Variants in ME3 observed in about 807,000 individuals in gnomAD.
ME3 encodes the protein NADP-dependent malic enzyme, mitochondrial.
ME3 carries 48 observed loss-of-function variants against 68.9 expected under a neutral mutation model. The ratio of observed to expected loss-of-function variants is 0.70; its 90% CI spans 0.55 to 0.89. The LOEUF (loss-of-function observed/expected upper bound fraction) is 0.89. Ranked by LOEUF, ME3 falls within the 40% of genes least tolerant of loss-of-function variation. The pLI is 0.00. For missense variants in ME3, 675 were observed against 797.4 expected, an observed-to-expected ratio of 0.85 and a Z score of 1.85; for synonymous variants, 320 against 318.8, an observed-to-expected ratio of 1.00 and a Z score of -0.04.
chr11:86,438,518 A>G (rs748330215), downstream of ME3, among the ~76,000 whole-genome samples: 3 of 151,942 alleles, frequency 2.0e-5, no homozygotes, highest in Non-Finnish European at 4.4e-5. Flanking sequence ...TCCCTCCCCT[A>G]TTTTCTGAAA....
chr11:86,632,719 C>T (rs1944094919), intron 2 of ME3, among the ~76,000 whole-genome samples: 2 of 152,188 alleles, frequency 1.3e-5, no homozygotes, highest in Non-Finnish European at 2.9e-5. Context: ...AGGGGCAGAA[C>T]TGCACTCCAG....
chr11:86,671,677 T>A (rs746255265), intron 2 of ME3, 85 bp downstream of exon 2: 4 of 1,523,348 alleles, frequency 2.6e-6, no homozygotes, highest in African/African-American at 1.4e-5. Context: ...CCCGGGAGGA[T>A]CCTTTCTGGG....
At chr11:86,482,202 C>T (rs1372852444) in intron 7 of ME3, among the ~76,000 whole-genome samples, 1 of 152,168 alleles carries the variant, frequency 6.6e-6, no homozygotes, top group Admixed American at 6.5e-5. Context: ...TTCTTGAGCT[C>T]CAGACTTACA....
intron 2 of ME3, among the ~76,000 whole-genome samples, chr11:86,653,243 A>AC (rs1160478859): frequency 1.3e-5 from 2 of 152,178 alleles, no homozygotes; most frequent in Non-Finnish European, 2.9e-5. Flanking sequence ...CACCAAGCAG[A>AC]CCTAATAGAT....
intron 4 of ME3, among the ~76,000 whole-genome samples, chr11:86,549,158 A>G (rs948873857): frequency 6.6e-6 from 1 of 152,226 alleles, no homozygotes; most frequent in Non-Finnish European, 1.5e-5. Flanking sequence ...CTGATTTCAT[A>G]GCTCTTTTTC....
At chr11:86,607,859 T>TG (rs964313257) in intron 2 of ME3, among the ~76,000 whole-genome samples, 47 of 151,810 alleles carry the variant, frequency 3.1e-4, no homozygotes, top group Middle Eastern at 3.4e-3. Flanking sequence ...CTTCAGATAT[T>TG]GGGGGGGCAC....
At chr11:86,554,707 G>C (rs541775065) in intron 4 of ME3, among the ~76,000 whole-genome samples, 109 of 152,194 alleles carry the variant, frequency 7.2e-4, no homozygotes, top group Middle Eastern at 3.4e-3. Flanking sequence ...AATCACCCAG[G>C]GTCAAGGAGA....
At chr11:86,628,352 T>C (rs1373972437) in intron 2 of ME3, among the ~76,000 whole-genome samples, 1 of 152,186 alleles carries the variant, frequency 6.6e-6, no homozygotes, top group Non-Finnish European at 1.5e-5. Flanking sequence ...GCAGCAGATA[T>C]TTAAACAGCT....
chr11:86,445,055 A>C (rs891626489), intron 13 of ME3, among the ~76,000 whole-genome samples: 2 of 152,196 alleles, frequency 1.3e-5, no homozygotes, highest in Non-Finnish European at 2.9e-5. Flanking sequence ...GCAGGACTGT[A>C]GCAATTGTGT....
chr11:86,614,740 T>TC (rs1474912095), intron 2 of ME3, among the ~76,000 whole-genome samples: 1 of 152,114 alleles, frequency 6.6e-6, no homozygotes, highest in African/African-American at 2.4e-5. Flanking sequence ...GCCAAACACT[T>TC]CCCTGAGTTA....
chr11:86,545,591 G>A (rs997689406), intron 4 of ME3, among the ~76,000 whole-genome samples: 1 of 152,082 alleles, frequency 6.6e-6, no homozygotes, highest in Non-Finnish European at 1.5e-5. Flanking sequence ...AAAATACCTA[G>A]AAATACGACT....
At chr11:86,592,259 G>C (rs571809257) in intron 2 of ME3, among the ~76,000 whole-genome samples, 7 of 152,230 alleles carry the variant, frequency 4.6e-5, no homozygotes, top group African/African-American at 1.7e-4. Flanking sequence ...CCAGGCTGCT[G>C]CTTTTTTTTC....
At chr11:86,449,812 C>T in intron 10 of ME3, 77 bp downstream of exon 10, 1 of 1,072,346 alleles carries the variant, frequency 9.3e-7, no homozygotes, top group Non-Finnish European at 1.4e-6. Flanking sequence ...CAGTTGACTT[C>T]TTGGAGACCT....
intron 2 of ME3, among the ~76,000 whole-genome samples, chr11:86,602,485 C>T (rs1392991185): frequency 6.6e-6 from 1 of 152,112 alleles, no homozygotes; most frequent in African/African-American, 2.4e-5. Context: ...ACATTCTATG[C>T]TCATGGGTAG....
At chr11:86,476,720 A>T (rs1046887151) in intron 7 of ME3, among the ~76,000 whole-genome samples, 7 of 152,276 alleles carry the variant, frequency 4.6e-5, no homozygotes, top group Middle Eastern at 6.8e-3. Flanking sequence ...GGAGAGCAAA[A>T]CTGAATAGGT....
At chr11:86,566,922 A>G (rs1461692308) in intron 2 of ME3, among the ~76,000 whole-genome samples, 1 of 152,036 alleles carries the variant, frequency 6.6e-6, no homozygotes, top group African/African-American at 2.4e-5. Flanking sequence ...AGGAGTGGAT[A>G]AAAAAAGAAG....
intron 2 of ME3, among the ~76,000 whole-genome samples, chr11:86,620,192 T>C (rs1052622767): frequency 6.6e-6 from 1 of 152,220 alleles, no homozygotes; most frequent in Non-Finnish European, 1.5e-5. Context: ...GTATGACATA[T>C]ATCCCTATTT....
intron 13 of ME3, among the ~76,000 whole-genome samples, chr11:86,444,185 C>T (rs1455990264): frequency 6.6e-6 from 1 of 152,190 alleles, no homozygotes; most frequent in Non-Finnish European, 1.5e-5. Context: ...GTGTCACAGG[C>T]TGATACCTGA....
At chr11:86,566,573 A>G (rs762054753) in intron 2 of ME3, among the ~76,000 whole-genome samples, 4 of 152,060 alleles carry the variant, frequency 2.6e-5, no homozygotes, top group Non-Finnish European at 5.9e-5. Context: ...AAGAGACTTT[A>G]ATGAATATCT....
Sources: allele counts gnomAD v4.1 joint callset (sites outside exome capture counted in the v4.1 genomes callset), GRCh38; gene constraint gnomAD v4.1.1; transcripts MANE v1.5; gene names NCBI Gene and HGNC (gene_info 2026-07-23, HGNC 2026-07-21).